OGT: variants seen among roughly 807,000 people sequenced by gnomAD.
OGT encodes O-linked N-acetylglucosamine (GlcNAc) transferase, also known as UDP-N-acetylglucosamine--peptide N-acetylglucosaminyltransferase 110 kDa subunit.
Under a neutral mutation model 75.8 loss-of-function variants are expected in OGT, and 3 were observed. The ratio of observed to expected loss-of-function variants is 0.04; its 90% CI spans 0.02 to 0.10. OGT has a LOEUF of 0.10. Ranked by LOEUF, OGT falls within the 10% of genes least tolerant of loss-of-function variation. The pLI, the probability that OGT is intolerant of heterozygous loss-of-function variation, is 1.00. For synonymous variants in OGT, 257 were observed against 289.7 expected (o/e 0.89, Z 1.15); for missense variants, 260 against 824.4 (o/e 0.32, Z 8.38).
At chrX:71,564,482 C>A in intron 18 of OGT, 119 bp from the exon 19 acceptor site, 1 of 573,752 alleles carries the variant, frequency 1.7e-6, no homozygotes, top group Non-Finnish European at 2.7e-6. Context: ...CTTCATATAT[C>A]ATGAATATTT....
chrX:71,557,810 A>G, intron 12 of OGT, 138 bp downstream of exon 12: 1 of 490,343 alleles, frequency 2.0e-6, no homozygotes, highest in Non-Finnish European at 3.3e-6. Context: ...TTTGTGGGCC[A>G]CTTCAGAACC....
chrX:71,554,622 C>A (rs769967517), intron 6 of OGT, 30 bp downstream of exon 6: 1 of 1,102,494 alleles, frequency 9.1e-7, no homozygotes, highest in Admixed American at 2.2e-5. Context: ...AATAAATTTT[C>A]TTGAATCTTT....
intron 21 of OGT, among the ~76,000 whole-genome samples, chrX:71,570,971 TA>T (rs1226925319): frequency 9.3e-6 from 1 of 107,361 alleles, no homozygotes; most frequent in African/African-American, 3.4e-5. Flanking sequence ...TTTTTTTTTT[TA>T]ATTTAATATT....
Position 71,574,108 on chromosome X carries a change from G to T in OGT, c.*314G>T, listed in dbSNP as rs2040476951. The T allele has an allele frequency of 6.6e-6, 1 of 151,752 alleles. No homozygotes were observed. The highest frequency in any genetic ancestry group is 3.3e-4 in the South Asian group (1 of 3,032). 12.5% of individuals were successfully genotyped at this position (151,752 alleles called of 1,213,427 possible). On this transcript the variant is annotated 3_prime_UTR_variant, in exon 22 of 22. Coordinates refer to ENST00000373719, the MANE Select transcript of OGT (RefSeq NM_181672.3). ...GTGGAGGGGAGATATAGATTGTCCG[G>T]CCGCTTTGTGATTCCATGGATTGAT...
intron 8 of OGT, chrX:71,556,364 G>A: frequency 5.3e-6 from 2 of 376,069 alleles, no homozygotes; most frequent in South Asian, 1.2e-4. Flanking sequence ...TTACTTATAA[G>A]TATATAATCT....
At chrX:71,569,808 T>G (rs1277288495) in intron 21 of OGT, among the ~76,000 whole-genome samples, 1 of 109,836 alleles carries the variant, frequency 9.1e-6, no homozygotes, top group Non-Finnish European at 1.9e-5. Context: ...CGATCTCGGC[T>G]CACTGCAACC....
chrX:71,549,850 G>A (rs2040289908), intron 5 of OGT, among the ~76,000 whole-genome samples: 1 of 111,538 alleles, frequency 9.0e-6, no homozygotes, highest in Non-Finnish European at 1.9e-5. Context: ...TTCCAGGTCT[G>A]GGGCAGGAAT....
intron 3 of OGT, among the ~76,000 whole-genome samples, chrX:71,543,168 A>G (rs2040231919): frequency 8.9e-6 from 1 of 111,923 alleles, no homozygotes; most frequent in Non-Finnish European, 1.9e-5. Flanking sequence ...TGGAAACCAT[A>G]ATATAGTTCC....
At chrX:71,533,522 A>G (rs1388672030) in intron 1 of OGT, among the ~76,000 whole-genome samples, 186 bp downstream of exon 1, 1 of 110,819 alleles carries the variant, frequency 9.0e-6, no homozygotes, top group African/African-American at 3.3e-5. Flanking sequence ...CTTCCCGAAC[A>G]TTTCCTCCTC....
intron 12 of OGT, 29 bp from the exon 13 acceptor site, chrX:71,559,238 T>A (rs770281189): frequency 8.4e-7 from 1 of 1,188,954 alleles, no homozygotes; most frequent in South Asian, 1.8e-5. Flanking sequence ...ATGTAGATTT[T>A]ACTAACAAGC....
intron 3 of OGT, among the ~76,000 whole-genome samples, chrX:71,542,096 A>G (rs753312678): frequency 8.9e-6 from 1 of 112,178 alleles, no homozygotes; most frequent in East Asian, 2.8e-4. Flanking sequence ...AAGCCCCTTG[A>G]TGATAAGGAT....
intron 12 of OGT, 50 bp from the exon 13 acceptor site, chrX:71,559,217 G>C: frequency 8.7e-7 from 1 of 1,147,315 alleles, no homozygotes; most frequent in South Asian, 1.9e-5. Flanking sequence ...AGTTTTCCTA[G>C]ATGAAAATTT....
rs202154456 is a variant in OGT at position 71,556,814 on chromosome X, A to G, written c.1166+34A>G. 1.9e-5 allele frequency: 20 copies of G among 1,053,377 alleles called. No individual in the cohort carries two copies. In the African/African-American group the frequency reaches 2.1e-4, roughly 11 times the overall value. The allele number at this position is 1,053,377 out of a possible 1,213,427, so 86.8% of individuals were successfully genotyped here. Reference sequence around the variant, plus strand: ...CACTAACAGCCTTATTTTTAAAATTATTTTTAATTTTAAAATGTTTGACAT... The same window carrying G: ...CACTAACAGCCTTATTTTTAAAATTGTTTTTAATTTTAAAATGTTTGACAT... On this transcript the variant is annotated intron_variant, in intron 9 of 21. Transcript: ENST00000373719.
chrX:71,559,443 C>G lies in OGT; in HGVS notation c.1761+18C>G. Reference sequence around the variant, plus strand: ...AATTTGAGGTAAGACTAGTGTTTCTCTAGAATCACTATTTGTTTAAAAAAG... The same window carrying G: ...AATTTGAGGTAAGACTAGTGTTTCTGTAGAATCACTATTTGTTTAAAAAAG... On this transcript the variant is annotated intron_variant, in intron 13 of 21. Transcript: ENST00000373719. 1 of 1,184,856 alleles carries G rather than the reference C, an allele frequency of 8.4e-7. No homozygotes were observed. The highest frequency in any genetic ancestry group is 2.4e-4 in the Middle Eastern group (1 of 4,253).
intron 21 of OGT, among the ~76,000 whole-genome samples, chrX:71,571,771 C>CT (rs1295562017): frequency 7.8e-4 from 82 of 105,346 alleles, no homozygotes; most frequent in South Asian, 3.3e-3. Flanking sequence ...AGAAATAACC[C>CT]TTTTTTTTTT....
chrX:71,570,483 TA>T (rs953159275), intron 21 of OGT, among the ~76,000 whole-genome samples: 5 of 112,039 alleles, frequency 4.5e-5, no homozygotes, highest in Non-Finnish European at 9.4e-5. Context: ...CTCTCCTACT[TA>T]TGAGTTTTGA....
intron 12 of OGT, among the ~76,000 whole-genome samples, chrX:71,557,993 C>A (rs1039676337): frequency 1.9e-5 from 2 of 106,090 alleles, no homozygotes; most frequent in Middle Eastern, 4.4e-3. Context: ...CTTGCTCTGT[C>A]GCCCAGGCTG....
Position 71,533,209 on chromosome X carries a change from C to T in OGT, c.-91C>T. 1 of 915,605 alleles carries T rather than the reference C, an allele frequency of 1.1e-6. No homozygotes were observed. The highest frequency in any genetic ancestry group is 1.6e-6 in the Non-Finnish European group (1 of 643,604). 75.5% of individuals were successfully genotyped at this position (915,605 alleles called of 1,213,427 possible). A position where few individuals can be genotyped will look rare whatever the true frequency, so the allele number is the denominator to read the frequency against. On this transcript the variant is annotated 5_prime_UTR_variant, in exon 1 of 22. Coordinates refer to ENST00000373719, the MANE Select transcript of OGT (RefSeq NM_181672.3). ...TCCAGAGCATTGCTACGGCTGCTGC[C>T]CTTGTACTACTACCTCCAAATACGT... is the stretch of plus-strand genomic sequence containing the variant.
At chrX:71,546,604 G>T (rs747370718) in intron 4 of OGT, 1 of 737,321 alleles carries the variant, frequency 1.4e-6, no homozygotes, top group African/African-American at 2.3e-5. Context: ...TTATGTAAGA[G>T]AATGTTTTAT....
Sources: gnomAD v4.1 joint callset for allele counts (sites outside exome capture counted in the v4.1 genomes callset) on GRCh38, gnomAD v4.1.1 for gene constraint, MANE v1.5 for transcripts, NCBI Gene and HGNC (gene_info 2026-07-23, HGNC 2026-07-21) for gene names.